CNTNAP2: variants seen among roughly 807,000 people sequenced by gnomAD.
CNTNAP2 encodes the protein contactin-associated protein-like 2.
CNTNAP2 carries 98 observed loss-of-function variants against 155.2 expected under a neutral mutation model. The ratio of observed to expected loss-of-function variants is 0.63; its 90% CI spans 0.54 to 0.75. The LOEUF is 0.75. Ranked by LOEUF, CNTNAP2 falls within the 30% of genes least tolerant of loss-of-function variation. The pLI is 0.00. For synonymous variants in CNTNAP2, 651 were observed against 631.2 expected, an observed-to-expected ratio of 1.03 and a Z score of -0.47; for missense variants, 1,727 against 1,688.1, an observed-to-expected ratio of 1.02 and a Z score of -0.40.
In CNTNAP2 at chr7:147,924,143, C is replaced by CTTTT. The variant is rs71527854; in HGVS notation, c.2255+20432_2255+20435dup. Among the ~76,000 whole-genome samples the CTTTT allele has an allele frequency of 4.9e-5, 6 of 123,494 alleles. 1 individual carries two copies. The highest frequency in any genetic ancestry group is 6.6e-5 in the Non-Finnish European group (4 of 60,876). The allele number at this position is 123,494 out of a possible 152,430, so 81.0% of individuals were successfully genotyped here. A position where few individuals can be genotyped will look rare whatever the true frequency, so the allele number is the denominator to read the frequency against. On this transcript the variant is annotated intron_variant, in intron 14 of 23. Transcript: ENST00000361727. ...GCACTTTTTTCTTTTCTTTTCTTTT[C>CTTTT]TTTTTTTTTTTTTGAGACAGAGTTT...
chr7:147,643,468 A>G (rs564680047), intron 13 of CNTNAP2: 3 of 152,358 alleles, frequency 2.0e-5, no homozygotes, highest in East Asian at 1.9e-4. Context: ...TATTTTGCAT[A>G]TGTCAAAACA....
At chr7:146,246,189 C>T (rs537477070) in intron 1 of CNTNAP2, among the ~76,000 whole-genome samples, 44 of 151,276 alleles carry the variant, frequency 2.9e-4, no homozygotes, top group South Asian at 2.7e-3. Context: ...GGTGCATGAT[C>T]GGTCGCCAAG....
At chr7:147,485,889 C>T (rs1427438793) in intron 10 of CNTNAP2, 46 bp from the exon 11 acceptor site, 2 of 1,594,706 alleles carry the variant, frequency 1.3e-6, no homozygotes, top group East Asian at 2.2e-5. Flanking sequence ...ACTCATAAAT[C>T]TCATTTGTTT....
chr7:146,926,237 T>C (rs1226373031), intron 3 of CNTNAP2, among the ~76,000 whole-genome samples: 1 of 151,500 alleles, frequency 6.6e-6, no homozygotes, highest in East Asian at 1.9e-4. Flanking sequence ...TTAAAACCAA[T>C]CTGCTGTGTA....
chr7:148,307,737 G>T (rs1182251002), intron 21 of CNTNAP2, among the ~76,000 whole-genome samples: 1 of 152,128 alleles, frequency 6.6e-6, no homozygotes, highest in Non-Finnish European at 1.5e-5. Flanking sequence ...GGAGGCGGAG[G>T]TGGGCAGATC....
intron 1 of CNTNAP2, among the ~76,000 whole-genome samples, chr7:146,235,237 T>A (rs79260016): frequency 1.2e-4 from 18 of 151,914 alleles, no homozygotes; most frequent in East Asian, 5.8e-4. Context: ...TTTTTTTTTT[T>A]AATTGGGAAT....
At chr7:147,021,974 CTTATTT>C (rs1432285140) in intron 3 of CNTNAP2, among the ~76,000 whole-genome samples, 1 of 151,926 alleles carries the variant, frequency 6.6e-6, no homozygotes, top group Non-Finnish European at 1.5e-5. Context: ...CCTATTTTCT[CTTATTT>C]TTTATTTTTT....
intron 3 of CNTNAP2, among the ~76,000 whole-genome samples, chr7:146,877,462 C>A (rs942037618): frequency 6.6e-6 from 1 of 151,638 alleles, no homozygotes; most frequent in African/African-American, 2.4e-5. Flanking sequence ...CTATGATTGC[C>A]CCACTGCACT....
At chr7:146,928,369 C>T (rs186373580) in intron 3 of CNTNAP2, among the ~76,000 whole-genome samples, 1 of 152,200 alleles carries the variant, frequency 6.6e-6, no homozygotes, top group East Asian at 1.9e-4. Flanking sequence ...GTTTCCATGG[C>T]AAAATTTTAA....
At chr7:146,581,407 A>G (rs1305792736) in intron 1 of CNTNAP2, among the ~76,000 whole-genome samples, 1 of 152,178 alleles carries the variant, frequency 6.6e-6, no homozygotes, top group Non-Finnish European at 1.5e-5. Context: ...ATAAAATGAT[A>G]AATTATAATA....
chr7:147,968,942 G>A (rs1801276416), intron 14 of CNTNAP2, among the ~76,000 whole-genome samples: 1 of 152,234 alleles, frequency 6.6e-6, no homozygotes, highest in African/African-American at 2.4e-5. Flanking sequence ...TTTATAGGCA[G>A]AAAAGGTCTG....
Position 146,510,454 on chromosome 7 carries a change from C to T in CNTNAP2, c.98-263817C>T, listed in dbSNP as rs184482962. On this transcript the variant is annotated intron_variant, in intron 1 of 23. Transcript: ENST00000361727. ...GCTTTGCCAATTGTGCTCATGGTTG[C>T]TTTGGCTATTCAGTATTGTTTGTGG... 1.6e-4 allele frequency among the ~76,000 whole-genome samples: 25 copies of T among 152,164 alleles called. No homozygotes were observed. In the East Asian group the frequency reaches 3.1e-3, roughly 19 times the overall value.
chr7:146,342,228 G>A (rs867850518), intron 1 of CNTNAP2, among the ~76,000 whole-genome samples: 23 of 152,012 alleles, frequency 1.5e-4, no homozygotes, highest in African/African-American at 5.6e-4. Flanking sequence ...GAAAACCCTA[G>A]GTACCAAATT....
At chr7:146,254,379 T>A (rs1799805775) in intron 1 of CNTNAP2, among the ~76,000 whole-genome samples, 1 of 152,254 alleles carries the variant, frequency 6.6e-6, no homozygotes, top group Admixed American at 6.5e-5. Context: ...CTTAGAATAG[T>A]TCTTGGCACA....
At chr7:146,424,177 C>T (rs1452368329) in intron 1 of CNTNAP2, among the ~76,000 whole-genome samples, 4 of 152,152 alleles carry the variant, frequency 2.6e-5, no homozygotes, top group African/African-American at 9.7e-5. Flanking sequence ...TGGGATTCAT[C>T]TGCCTCGAAT....
chr7:147,404,523 A>G (rs1232549608), intron 10 of CNTNAP2, among the ~76,000 whole-genome samples: 3 of 152,138 alleles, frequency 2.0e-5, no homozygotes, highest in Non-Finnish European at 4.4e-5. Flanking sequence ...TTATGTTGCA[A>G]ATCGCTATGC....
chr7:146,989,919 A>ATT (rs5888230), intron 3 of CNTNAP2, among the ~76,000 whole-genome samples: 6 of 149,882 alleles, frequency 4.0e-5, no homozygotes, highest in Non-Finnish European at 7.4e-5. Context: ...AGTGCCATTG[A>ATT]TTTTTTTTTT....
intron 1 of CNTNAP2, among the ~76,000 whole-genome samples, chr7:146,148,578 A>G (rs1562967927): frequency 6.6e-6 from 1 of 152,108 alleles, no homozygotes; most frequent in Non-Finnish European, 1.5e-5. Flanking sequence ...CGCCTGATTT[A>G]TTTTTTATGC....
chr7:147,014,016 T>C (rs986568464), intron 3 of CNTNAP2, among the ~76,000 whole-genome samples: 7 of 152,180 alleles, frequency 4.6e-5, no homozygotes, highest in African/African-American at 9.6e-5. Flanking sequence ...CAGTGAGTTA[T>C]GAAATGGAAA....
Sources: gnomAD v4.1 joint callset for allele counts (sites outside exome capture counted in the v4.1 genomes callset) on GRCh38, gnomAD v4.1.1 for gene constraint, MANE v1.5 for transcripts, NCBI Gene and HGNC (gene_info 2026-07-23, HGNC 2026-07-21) for gene names.